OSBP: variants seen among roughly 807,000 people sequenced by gnomAD.
OSBP encodes the protein oxysterol binding protein.
A neutral mutation model predicts 96.6 loss-of-function variants in OSBP; 32 were observed. The observed-to-expected ratio is 0.33, with a 90% CI of 0.25 to 0.45. The LOEUF is 0.45. Among genes scored for constraint, OSBP ranks in the 20% least tolerant of loss-of-function variants. OSBP has a pLI of 1.00. For synonymous variants in OSBP, 369 were observed against 389.6 expected (o/e 0.95, Z 0.62); for missense variants, 653 against 1,029.7 (o/e 0.63, Z 5.01).
At position 59,577,042 on chromosome 11, in the gene OSBP, A is replaced by G. The variant is rs1381055672; in HGVS notation, c.2061-17T>C. 3 of 1,602,940 alleles carry G rather than the reference A, an allele frequency of 1.9e-6. No individual in the cohort carries two copies. The highest frequency in any genetic ancestry group is 2.6e-6 in the Non-Finnish European group (3 of 1,173,590). ...GCATTCTTCCTAAAAGTAGAAGACAAGAAAAAGAAATGGTAATCCCAGAGC... is the reference window on the plus strand; with the variant it reads ...GCATTCTTCCTAAAAGTAGAAGACAGGAAAAAGAAATGGTAATCCCAGAGC... On this transcript the variant is annotated splice_polypyrimidine_tract_variant and intron_variant, in intron 12 of 13. Coordinates refer to ENST00000263847, the MANE Select transcript of OSBP (RefSeq NM_002556.3).
intron 9 of OSBP, 84 bp downstream of exon 9, chr11:59,593,520 A>G: frequency 6.7e-7 from 1 of 1,486,162 alleles, no homozygotes; most frequent in Non-Finnish European, 9.4e-7. Context: ...CTGTCTCCTG[A>G]CTCTTTAGCC....
chr11:59,609,529 A>G (rs1472171639), intron 2 of OSBP, among the ~76,000 whole-genome samples: 2 of 152,070 alleles, frequency 1.3e-5, no homozygotes, highest in African/African-American at 4.8e-5. Flanking sequence ...TCTGCTAGAC[A>G]GAGAGACGGG....
At position 59,601,752 on chromosome 11, in the gene OSBP, T is replaced by G; in HGVS notation, c.909A>C (p.Arg303=). The G allele has an allele frequency of 6.2e-7, 1 of 1,614,184 alleles. No homozygotes were observed. The highest frequency in any genetic ancestry group is 8.5e-7 in the Non-Finnish European group (1 of 1,180,008). The change falls in exon 4 of 14, where the codon CGA becomes CGC. Residue 303 remains arginine (R), a synonymous_variant. Coordinates refer to ENST00000263847, the MANE Select transcript of OSBP (RefSeq NM_002556.3). ...SLQYERDQRI[R]LEETLEQLAK... is the part of the protein sequence containing the mutation. ...CCAGCTGCTCGAGGGTTTCTTCCAG[T>G]CGGATACGCTGGTCTCTTTCATACT...
chr11:59,591,533 C>T (rs2134661687), intron 9 of OSBP, among the ~76,000 whole-genome samples: 1 of 151,996 alleles, frequency 6.6e-6, no homozygotes, highest in Admixed American at 6.6e-5. Context: ...ATACATAATA[C>T]AATATAAATG....
chr11:59,596,454 T>A (rs1347447042), intron 7 of OSBP, among the ~76,000 whole-genome samples: 1 of 151,992 alleles, frequency 6.6e-6, no homozygotes, highest in African/African-American at 2.4e-5. Context: ...CAACAACCAG[T>A]TTCTCCAAAA....
Position 59,600,848 on chromosome 11 carries a change from C to T in OSBP, c.1150G>A (p.Ala384Thr). ...TCATCAAGGCTGATGTCACTGCTGG[C>T]TCCACTGATATTGCTGCCAGTACGT... ...HKRTGSNISG[A>T]SSDISLDEQY... The change falls in exon 6 of 14, where the codon GCC becomes ACC. Residue 384 changes from alanine to threonine, a missense_variant. Transcript: ENST00000263847. 3 of 1,613,780 alleles carry T rather than the reference C, an allele frequency of 1.9e-6. No homozygotes were observed. Among genetic ancestry groups the T allele is most frequent in the Non-Finnish European group, 2.5e-6 (3 of 1,179,880 alleles).
chr11:59,580,242 T>C lies in OSBP; in HGVS notation c.1810A>G (p.Lys604Glu). ...QSGEIDIVNH[K>E]TGDKCNLKFV... ...TTAAGATTACACTTGTCTCCTGTCT[T>C]GTGATTCACAATATCAATTTCGCCA... The change falls in exon 11 of 14, where the codon AAG (lysine) becomes GAG (glutamate). Residue 604 changes from lysine (K) to glutamate (E), a missense_variant. Coordinates refer to ENST00000263847, the MANE Select transcript of OSBP (RefSeq NM_002556.3). 6.2e-7 allele frequency: 1 copy of C among 1,613,010 alleles called. No individual in the cohort carries two copies. The highest frequency in any genetic ancestry group is 8.5e-7 in the Non-Finnish European group (1 of 1,179,086).
rs1196897419 is a variant in OSBP at position 59,583,940 on chromosome 11, G to GTTT, written c.1679-2389_1679-2387dup. On this transcript the variant is annotated intron_variant, in intron 9 of 13. Coordinates refer to ENST00000263847, the MANE Select transcript of OSBP (RefSeq NM_002556.3). ...GGCATGAGCCACCACACCTGATGGT[G>GTTT]TTTTTTTTTTTTTTTTTTTTTTTGA... Among the ~76,000 whole-genome samples, 389 of 93,452 alleles carry GTTT rather than the reference G, an allele frequency of 4.2e-3. 3 individuals carry two copies. Among genetic ancestry groups the GTTT allele is most frequent in the African/African-American group, 7.6e-3 (167 of 21,934 alleles). The allele number at this position is 93,452 out of a possible 152,430, so 61.3% of individuals were successfully genotyped here.
At chr11:59,590,397 G>A (rs1860562984) in intron 9 of OSBP, among the ~76,000 whole-genome samples, 1 of 152,178 alleles carries the variant, frequency 6.6e-6, no homozygotes, top group Admixed American at 6.5e-5. Context: ...AGGGGTCCCT[G>A]AAGCCAGATT....
At chr11:59,604,129 G>C (rs1429992326) in intron 3 of OSBP, among the ~76,000 whole-genome samples, 1 of 152,102 alleles carries the variant, frequency 6.6e-6, no homozygotes, top group African/African-American at 2.4e-5. Flanking sequence ...TAACCTCTCT[G>C]TGCCTCATCT....
At chr11:59,600,712 AAG>A (rs1285413378) in intron 6 of OSBP, 85 bp from the exon 7 acceptor site, 2 of 1,572,184 alleles carry the variant, frequency 1.3e-6, no homozygotes, top group African/African-American at 1.4e-5. Context: ...GTGCTAAAAA[AAG>A]AAAAAAAAAT....
At chr11:59,611,628 C>A (rs1482540227) in intron 1 of OSBP, among the ~76,000 whole-genome samples, 1 of 152,102 alleles carries the variant, frequency 6.6e-6, no homozygotes, top group Non-Finnish European at 1.5e-5. Flanking sequence ...AAGGAATCAC[C>A]AAGTGTTTTA....
intron 7 of OSBP, among the ~76,000 whole-genome samples, chr11:59,594,789 G>A (rs2134664345): frequency 6.6e-6 from 1 of 152,314 alleles, no homozygotes; most frequent in Middle Eastern, 3.4e-3. Context: ...TTTCTCCTCT[G>A]AGGCTGGATA....
chr11:59,592,345 G>T (rs1860595246), intron 9 of OSBP, among the ~76,000 whole-genome samples: 1 of 152,190 alleles, frequency 6.6e-6, no homozygotes, highest in African/African-American at 2.4e-5. Context: ...AAACATTTAT[G>T]AACTTTTTTT....
At chr11:59,610,044 C>T (rs1860825497) in intron 2 of OSBP, among the ~76,000 whole-genome samples, 1 of 152,176 alleles carries the variant, frequency 6.6e-6, no homozygotes, top group Admixed American at 6.5e-5. Context: ...ATTTTTCAAC[C>T]TTGGCCAGAT....
chr11:59,608,775 G>A, intron 2 of OSBP, 41 bp from the exon 3 acceptor site: 2 of 1,606,884 alleles, frequency 1.2e-6, no homozygotes, highest in Non-Finnish European at 1.7e-6. Flanking sequence ...TCCAGAACCA[G>A]GAGTGACAGT....
At chr11:59,614,488 TTA>T (rs1396780605) in intron 1 of OSBP, among the ~76,000 whole-genome samples, 2 of 152,202 alleles carry the variant, frequency 1.3e-5, no homozygotes, top group Non-Finnish European at 2.9e-5. Flanking sequence ...GATGGCCAGG[TTA>T]TGAGTCACCA....
chr11:59,615,308 G>A lies in OSBP; in HGVS notation c.357C>T (p.Tyr119=). 6.2e-7 allele frequency: 1 copy of A among 1,600,060 alleles called. No homozygotes were observed. Among genetic ancestry groups the A allele is most frequent in the East Asian group, 2.3e-5 (1 of 44,016 alleles). The change falls in exon 1 of 14, where the codon TAC becomes TAT. Residue 119 remains tyrosine (Y), a synonymous_variant. Coordinates refer to ENST00000263847, the MANE Select transcript of OSBP (RefSeq NM_002556.3). ...AGCGCCCCGGAAGCAGTTACCTGTA[G>A]TAGCTCAGGAGCCCGTTGCTCAGCA... ...WFVLSNGLLS[Y]YRSKAEMRHT...
At chr11:59,584,573 A>C (rs1189440900) in intron 9 of OSBP, among the ~76,000 whole-genome samples, 15 of 152,230 alleles carry the variant, frequency 9.9e-5, no homozygotes, top group Admixed American at 9.8e-4. Flanking sequence ...CAGAAAAAGC[A>C]TCTGACAGAA....
Sources: gnomAD v4.1 joint callset for allele counts (sites outside exome capture counted in the v4.1 genomes callset) on GRCh38, gnomAD v4.1.1 for gene constraint, MANE v1.5 for transcripts, NCBI Gene and HGNC (gene_info 2026-07-23, HGNC 2026-07-21) for gene names.